PRSS12: variants seen among roughly 807,000 people sequenced by gnomAD.
The protein encoded by PRSS12 is serine protease 12.
A neutral mutation model predicts 104.4 loss-of-function variants in PRSS12; 85 were observed. That is an observed-to-expected ratio of 0.81 (90% CI 0.68 to 0.98). PRSS12 has a LOEUF of 0.98. PRSS12 is among the 50% of genes least tolerant of loss of function. PRSS12 has a pLI of 0.00. For missense variants in PRSS12, 1,141 were observed against 1,139.2 expected (o/e 1.00, Z -0.02); for synonymous variants, 454 against 425.2 (o/e 1.07, Z -0.83).
chr4:118,336,552 C>T (rs913334341), intron 2 of PRSS12, among the ~76,000 whole-genome samples: 2 of 152,022 alleles, frequency 1.3e-5, no homozygotes, highest in African/African-American at 4.8e-5. Context: ...CTGATTTTAT[C>T]GTGCAATTCC....
rs758744349 is a variant in PRSS12, at chr4:118,352,258, G to C, written c.463C>G (p.Arg155Gly). ...CAGTAGCCCCAGTCCACCTTGCCAC[G>C]GGCGTCTCCGTAGAAACACCAGGGT... ...GRPWCFYGDARGKVDWGYCDC... is the reference protein window; with the variant it reads ...GRPWCFYGDAGGKVDWGYCDC... Residue 155 changes from arginine to glycine, a missense_variant, in exon 1 of 13, where the codon CGT becomes GGT. Arg to Gly is a moderately radical substitution (Grantham distance 125). Transcript: ENST00000296498. The C allele has an allele frequency of 1.2e-6, 2 of 1,611,430 alleles. No homozygotes were observed. The highest frequency in any genetic ancestry group is 2.2e-5 in the South Asian group (2 of 90,718).
At chr4:118,305,224 T>C (rs1743516437) in intron 8 of PRSS12, among the ~76,000 whole-genome samples, 2 of 151,750 alleles carry the variant, frequency 1.3e-5, no homozygotes, top group South Asian at 4.1e-4. Flanking sequence ...TATTCAAGTA[T>C]ATTTAATCAA....
At chr4:118,307,988 C>G in intron 8 of PRSS12, among the ~76,000 whole-genome samples, 1 of 152,100 alleles carries the variant, frequency 6.6e-6, no homozygotes. Context: ...GAGCAGTGAC[C>G]TCAGCTCTAG....
chr4:118,294,646 T>G (rs1743211850), intron 11 of PRSS12, among the ~76,000 whole-genome samples: 1 of 152,096 alleles, frequency 6.6e-6, no homozygotes, highest in Admixed American at 6.5e-5. Flanking sequence ...AGATATAATT[T>G]CAGCCTCAGA....
Position 118,281,458 on chromosome 4 carries a change from G to T in PRSS12, c.*478C>A, listed in dbSNP as rs1208692460. Reference sequence around the variant, plus strand: ...ACCACTGATTTCCTCACTTGACAAAGGCTACAGAGAATATGAAGATTTCTT... The same window carrying T: ...ACCACTGATTTCCTCACTTGACAAATGCTACAGAGAATATGAAGATTTCTT... On this transcript the variant is annotated 3_prime_UTR_variant, in exon 13 of 13. Transcript: ENST00000296498. The T allele has an allele frequency of 1.7e-5, 3 of 180,404 alleles. No individual in the cohort carries two copies. The highest frequency in any genetic ancestry group is 1.2e-5 in the Non-Finnish European group (1 of 83,440). 11.2% of individuals were successfully genotyped at this position (180,404 alleles called of 1,614,324 possible).
At position 118,316,248 on chromosome 4, in the gene PRSS12, C is replaced by T. The variant is rs1743905979; in HGVS notation, c.1226G>A (p.Gly409Glu). 6.2e-7 allele frequency: 1 copy of T among 1,614,080 alleles called. No individual in the cohort carries two copies. Among genetic ancestry groups the T allele is most frequent in the Non-Finnish European group, 8.5e-7 (1 of 1,179,990 alleles). Residue 409 changes from glycine to glutamate, a missense_variant, in exon 6 of 13, where the codon GGA becomes GAA. Coordinates refer to ENST00000296498, the MANE Select transcript of PRSS12 (RefSeq NM_003619.4). ...RLEVYYRGQW[G>E]TVCDDGWTEL... is the part of the protein sequence containing the mutation. ...AGTCCAGCCATCATCACAGACAGTTCCCCACTGGCCTCTGTAATATACCTC... is the reference window on the plus strand; with the variant it reads ...AGTCCAGCCATCATCACAGACAGTTTCCCACTGGCCTCTGTAATATACCTC...
At chr4:118,328,261 T>C (rs1287717099) in intron 4 of PRSS12, among the ~76,000 whole-genome samples, 1 of 152,208 alleles carries the variant, frequency 6.6e-6, no homozygotes, top group Non-Finnish European at 1.5e-5. Flanking sequence ...AGCATCAGAG[T>C]ACTTATAATA....
intron 8 of PRSS12, among the ~76,000 whole-genome samples, chr4:118,299,280 C>T (rs1246570267): frequency 6.6e-6 from 1 of 152,070 alleles, no homozygotes; most frequent in Non-Finnish European, 1.5e-5. Context: ...TTAAAGAGTA[C>T]AATACTCTCT....
At chr4:118,349,699 G>A (rs1409590774) in intron 1 of PRSS12, among the ~76,000 whole-genome samples, 1 of 151,962 alleles carries the variant, frequency 6.6e-6, no homozygotes, top group African/African-American at 2.4e-5. Context: ...TCACTCAGAA[G>A]GTTGCTACAA....
chr4:118,329,724 G>A (rs984007215), intron 4 of PRSS12, among the ~76,000 whole-genome samples: 15 of 152,116 alleles, frequency 9.9e-5, no homozygotes, highest in African/African-American at 3.1e-4. Context: ...CTTACTATGT[G>A]TGCTAACTGC....
chr4:118,304,127 CGTGTGT>C (rs912995137), intron 8 of PRSS12, among the ~76,000 whole-genome samples: 1 of 151,088 alleles, frequency 6.6e-6, no homozygotes, highest in African/African-American at 2.4e-5. Context: ...TCTCCATGTA[CGTGTGT>C]GTGTGTATCT....
At position 118,305,920 on chromosome 4, in the gene PRSS12, T is replaced by C. The variant is rs558351204; in HGVS notation, c.1631+2516A>G. ...CATGTAGTATTTGTCTTTCAGTAAC[T>C]GTATATATATATACACATACATACC... is the stretch of plus-strand genomic sequence containing the variant. On this transcript the variant is annotated intron_variant, in intron 8 of 12. Transcript: ENST00000296498. The C allele has an allele frequency of 5.3e-5, 8 of 152,234 alleles. No individual in the cohort carries two copies. The East Asian group carries it at 9.6e-4, about 18-fold the overall frequency. The allele number at this position is 152,234 out of a possible 1,614,324, so 9.4% of individuals were successfully genotyped here. A position where few individuals can be genotyped will look rare whatever the true frequency, so the allele number is the denominator to read the frequency against.
intron 1 of PRSS12, among the ~76,000 whole-genome samples, chr4:118,347,345 A>G (rs577945756): frequency 8.5e-5 from 13 of 152,342 alleles, no homozygotes; most frequent in Non-Finnish European, 1.8e-4. Context: ...CAATGAGTAC[A>G]GCCTGTAAAC....
chr4:118,302,651 T>C (rs1743429107), intron 8 of PRSS12, among the ~76,000 whole-genome samples: 1 of 152,196 alleles, frequency 6.6e-6, no homozygotes, highest in Non-Finnish European at 1.5e-5. Flanking sequence ...GGTCTTGAAC[T>C]CCTGGCCTCG....
At chr4:118,293,539 C>G (rs1743177449) in intron 11 of PRSS12, among the ~76,000 whole-genome samples, 1 of 152,064 alleles carries the variant, frequency 6.6e-6, no homozygotes, top group South Asian at 2.1e-4. Context: ...CACCTAACAA[C>G]AAAGACTTAG....
chr4:118,352,568 C>T lies in PRSS12; in HGVS notation c.153G>A (p.Gln51=). ...GCGGCGGACGCGTCCTCGGGGGCCG[C>T]TGCTGGGTGGGAAGGTAATAGGGGT... The part of the protein sequence containing the change: ...PHYPYYLPTQ[Q]RPPRTRPPPP... The change falls in exon 1 of 13, where the codon CAG becomes CAA. Residue 51 remains glutamine, a synonymous_variant. Transcript: ENST00000296498. The T allele has an allele frequency of 6.4e-7, 1 of 1,560,950 alleles. No individual in the cohort carries two copies. The highest frequency in any genetic ancestry group is 1.2e-5 in the South Asian group (1 of 85,298).
At chr4:118,342,047 G>A (rs1407680463) in intron 1 of PRSS12, among the ~76,000 whole-genome samples, 2 of 152,116 alleles carry the variant, frequency 1.3e-5, no homozygotes, top group Non-Finnish European at 2.9e-5. Flanking sequence ...GTGGCTTTCT[G>A]GTGCTCCTAT....
intron 1 of PRSS12, among the ~76,000 whole-genome samples, chr4:118,342,141 A>G (rs1724230427): frequency 1.3e-5 from 2 of 152,206 alleles, no homozygotes; most frequent in Admixed American, 1.3e-4. Flanking sequence ...GTGGGTGTAC[A>G]CATTTGCACA....
At chr4:118,313,077 A>T (rs1743794664) in intron 7 of PRSS12, 124 bp downstream of exon 7, 2 of 1,024,256 alleles carry the variant, frequency 2.0e-6, no homozygotes, top group Non-Finnish European at 2.9e-6. Flanking sequence ...TGAAAATTAG[A>T]CAGTTATGGG....
Sources: gnomAD v4.1 joint callset for allele counts (sites outside exome capture counted in the v4.1 genomes callset) on GRCh38, gnomAD v4.1.1 for gene constraint, MANE v1.5 for transcripts, NCBI Gene and HGNC (gene_info 2026-07-23, HGNC 2026-07-21) for gene names.